Variants in RIMS2 observed in about 807,000 individuals in gnomAD.
RIMS2 encodes regulating synaptic membrane exocytosis protein 2.
Under a neutral mutation model 174.4 loss-of-function variants are expected in RIMS2, and 59 were observed. The ratio of observed to expected loss-of-function variants is 0.34; its 90% CI spans 0.27 to 0.42. The LOEUF is 0.42. RIMS2 is among the 10% of genes least tolerant of loss of function. RIMS2 has a pLI of 1.00. For missense variants in RIMS2, 1,620 were observed against 1,666.3 expected, an observed-to-expected ratio of 0.97 and a Z score of 0.48; for synonymous variants, 606 against 572.5, an observed-to-expected ratio of 1.06 and a Z score of -0.84.
At chr8:103,705,390 A>G (rs7835783) in intron 2 of RIMS2, among the ~76,000 whole-genome samples, 26,769 of 152,076 alleles carry the variant, frequency 0.18, 2,562 homozygotes, top group African/African-American at 0.23. Context: ...AGAATGTTAT[A>G]TGTGCTAATG....
At chr8:103,639,124 A>G (rs2135471747) in intron 1 of RIMS2, among the ~76,000 whole-genome samples, 1 of 152,118 alleles carries the variant, frequency 6.6e-6, no homozygotes, top group East Asian at 1.9e-4. Context: ...AACTTACCAG[A>G]GTACAATGCT....
chr8:103,860,683 A>G (rs1594025896), intron 3 of RIMS2, among the ~76,000 whole-genome samples: 1 of 152,074 alleles, frequency 6.6e-6, no homozygotes, highest in Non-Finnish European at 1.5e-5. Flanking sequence ...TAAAAAAAAA[A>G]GTATGTGGGA....
intron 1 of RIMS2, among the ~76,000 whole-genome samples, chr8:103,625,674 A>G (rs184881528): frequency 1.3e-5 from 2 of 152,252 alleles, no homozygotes; most frequent in Admixed American, 6.5e-5. Context: ...CAATGATGAA[A>G]AAAAGCAAAG....
chr8:103,702,007 C>T (rs893580664), intron 2 of RIMS2, among the ~76,000 whole-genome samples: 6 of 151,970 alleles, frequency 3.9e-5, no homozygotes, highest in Non-Finnish European at 8.8e-5. Context: ...ATTGAGGAAC[C>T]TCTATACTCT....
chr8:104,041,366 T>C lies in RIMS2; in HGVS notation c.3334+26751T>C, dbSNP rs2096605716. 1.5e-6 allele frequency: 1 copy of C among 689,064 alleles called. No individual in the cohort carries two copies. Among genetic ancestry groups the C allele is most frequent in the African/African-American group, 1.7e-5 (1 of 57,264 alleles). 42.7% of individuals were successfully genotyped at this position (689,064 alleles called of 1,614,324 possible). ...CAAGGAGAAGATATGCAGGTCTGTCTCTTCTGCTTTTTTTGTTATTATTTT... is the reference window on the plus strand; with the variant it reads ...CAAGGAGAAGATATGCAGGTCTGTCCCTTCTGCTTTTTTTGTTATTATTTT... On this transcript the variant is annotated intron_variant, in intron 19 of 23. Transcript: ENST00000504942.
At chr8:104,162,679 T>C (rs1586235052) in intron 19 of RIMS2, among the ~76,000 whole-genome samples, 1 of 152,294 alleles carries the variant, frequency 6.6e-6, no homozygotes, top group Admixed American at 6.5e-5. Flanking sequence ...ATAAGCTTTA[T>C]TTAACTGGAC....
chr8:103,900,967 G>T (rs554483174), intron 4 of RIMS2, among the ~76,000 whole-genome samples: 1 of 152,012 alleles, frequency 6.6e-6, no homozygotes, highest in Admixed American at 6.6e-5. Flanking sequence ...CATCTGTCTT[G>T]CCCCCAGGGA....
At chr8:103,733,299 T>C (rs1439367688) in intron 2 of RIMS2, among the ~76,000 whole-genome samples, 3 of 152,076 alleles carry the variant, frequency 2.0e-5, no homozygotes, top group Admixed American at 2.0e-4. Context: ...CTGGTATCCA[T>C]GTTGCAAGAC....
intron 19 of RIMS2, among the ~76,000 whole-genome samples, chr8:104,041,669 CAT>C (rs1170561751): frequency 6.6e-6 from 1 of 151,546 alleles, no homozygotes; most frequent in South Asian, 2.1e-4. Flanking sequence ...CACACACACA[CAT>C]ATGTTTGGTT....
chr8:104,006,949 G>A (rs1483764643), intron 17 of RIMS2, among the ~76,000 whole-genome samples: 1 of 151,870 alleles, frequency 6.6e-6, no homozygotes, highest in African/African-American at 2.4e-5. Context: ...ACATTATTGA[G>A]AGAAAAAACT....
At chr8:103,644,864 T>C (rs1285371155) in intron 1 of RIMS2, among the ~76,000 whole-genome samples, 1 of 151,962 alleles carries the variant, frequency 6.6e-6, no homozygotes, top group Non-Finnish European at 1.5e-5. Flanking sequence ...ATTTTTAGAT[T>C]AATATCAACA....
At chr8:103,804,264 A>G (rs1300200615) in intron 3 of RIMS2, among the ~76,000 whole-genome samples, 1 of 152,190 alleles carries the variant, frequency 6.6e-6, no homozygotes, top group Non-Finnish European at 1.5e-5. Context: ...TACACCCAAG[A>G]GAGAATGAGA....
chr8:104,083,543 G>A (rs1025386537), intron 19 of RIMS2, among the ~76,000 whole-genome samples: 1 of 152,136 alleles, frequency 6.6e-6, no homozygotes, highest in African/African-American at 2.4e-5. Context: ...GTCACAAAGG[G>A]CCATGTGCCA....
chr8:103,614,961 T>C (rs1041629201), intron 1 of RIMS2, among the ~76,000 whole-genome samples: 2 of 152,218 alleles, frequency 1.3e-5, no homozygotes, highest in African/African-American at 4.8e-5. Flanking sequence ...TTGGCATTTA[T>C]TGGAGAAATT....
chr8:103,513,139 T>A (rs1296277643), intron 1 of RIMS2, among the ~76,000 whole-genome samples: 2 of 152,306 alleles, frequency 1.3e-5, no homozygotes, highest in Non-Finnish European at 2.9e-5. Context: ...GCTTGGAGGC[T>A]GCCTGCAGTC....
intron 2 of RIMS2, among the ~76,000 whole-genome samples, chr8:103,751,313 A>T (rs1349058422): frequency 6.6e-6 from 1 of 151,912 alleles, no homozygotes; most frequent in African/African-American, 2.4e-5. Context: ...TCCATGGTGT[A>T]TATGTGCCAC....
At chr8:103,708,011 A>C (rs2097254782) in intron 2 of RIMS2, among the ~76,000 whole-genome samples, 1 of 152,158 alleles carries the variant, frequency 6.6e-6, no homozygotes, top group African/African-American at 2.4e-5. Context: ...TACTCTAAGA[A>C]AAAGGAATCT....
At chr8:104,156,309 C>T (rs2098723575) in intron 19 of RIMS2, among the ~76,000 whole-genome samples, 1 of 151,948 alleles carries the variant, frequency 6.6e-6, no homozygotes, top group Admixed American at 6.6e-5. Context: ...GAAGTTTTTA[C>T]GGACAGGAAT....
chr8:103,507,555 G>T (rs1044073838), intron 1 of RIMS2, among the ~76,000 whole-genome samples: 1 of 152,012 alleles, frequency 6.6e-6, no homozygotes, highest in African/African-American at 2.4e-5. Context: ...CTTAAAAAAA[G>T]ATTTGCTTAT....
Sources: allele counts gnomAD v4.1 joint callset (sites outside exome capture counted in the v4.1 genomes callset), GRCh38; gene constraint gnomAD v4.1.1; transcripts MANE v1.5; gene names NCBI Gene and HGNC (gene_info 2026-07-23, HGNC 2026-07-21).